Variants in RBFOX1 observed in about 807,000 individuals in gnomAD.
RBFOX1 encodes the protein RNA binding protein fox-1 homolog 1.
RBFOX1 carries 8 observed loss-of-function variants against 57.7 expected under a neutral mutation model. That is an observed-to-expected ratio of 0.14 (90% CI 0.08 to 0.25). The LOEUF is 0.25. RBFOX1 is among the 10% of genes least tolerant of loss of function. The probability of loss-of-function intolerance (pLI) is 1.00; values close to 1 mark genes in which losing one functional copy is unlikely to be tolerated. For missense variants in RBFOX1, 611 were observed against 548.5 expected (o/e 1.11, Z -1.14); for synonymous variants, 326 against 222.4 (o/e 1.47, Z -4.15).
intron 4 of RBFOX1, among the ~76,000 whole-genome samples, chr16:7,319,966 G>A (rs756237730): frequency 6.6e-6 from 1 of 152,132 alleles, no homozygotes; most frequent in Non-Finnish European, 1.5e-5. Flanking sequence ...CTAGGAAAGG[G>A]TTTGTTAAAA....
chr16:6,634,051 C>G (rs888404615), intron 2 of RBFOX1, among the ~76,000 whole-genome samples: 1 of 151,628 alleles, frequency 6.6e-6, no homozygotes. Flanking sequence ...CGATGCATTT[C>G]TTATTGAATA....
At chr16:6,835,528 G>C (rs939053056) in intron 3 of RBFOX1, among the ~76,000 whole-genome samples, 3 of 151,952 alleles carry the variant, frequency 2.0e-5, no homozygotes, top group African/African-American at 7.3e-5. Flanking sequence ...AAGGTGGGAA[G>C]ATCACTTGAG....
intron 4 of RBFOX1, among the ~76,000 whole-genome samples, chr16:5,979,838 G>A (rs1356928985): frequency 6.6e-6 from 1 of 152,192 alleles, no homozygotes; most frequent in South Asian, 2.1e-4. Flanking sequence ...CTCCAGCCTG[G>A]CAACAGAGTG....
intron 3 of RBFOX1, among the ~76,000 whole-genome samples, chr16:7,038,880 T>G (rs1192912305): frequency 1.3e-5 from 2 of 152,180 alleles, no homozygotes; most frequent in African/African-American, 4.8e-5. Flanking sequence ...AAACACCTCA[T>G]TAAAACGTGT....
chr16:5,766,138 CA>C (rs1157726032), intron 3 of RBFOX1, among the ~76,000 whole-genome samples: 4 of 152,130 alleles, frequency 2.6e-5, no homozygotes, highest in African/African-American at 9.7e-5. Flanking sequence ...GGCTGAATGC[CA>C]TCATAGATAT....
chr16:7,617,934 G>C (rs991619610), intron 10 of RBFOX1, among the ~76,000 whole-genome samples: 1 of 152,018 alleles, frequency 6.6e-6, no homozygotes, highest in South Asian at 2.1e-4. Context: ...CATTGCAGGA[G>C]GGAATATGGA....
rs940492155 is a variant in RBFOX1 at position 7,286,448 on chromosome 16, ATT to A, written c.28-231681_28-231680del. ...GGGTTTCATACTTTGATACTTTCTT[ATT>A]TTTTTTTTTTTTTTTTTGAGATGGA... On this transcript the variant is annotated intron_variant, in intron 4 of 15. Coordinates refer to ENST00000550418, the MANE Select transcript of RBFOX1 (RefSeq NM_018723.4). Among the ~76,000 whole-genome samples, 110 of 121,848 alleles carry A rather than the reference ATT, an allele frequency of 9.0e-4. 2 individuals are homozygous for A. The highest frequency in any genetic ancestry group is 6.4e-3 in the South Asian group (24 of 3,774). The allele number at this position is 121,848 out of a possible 152,430, so 79.9% of individuals were successfully genotyped here. A position where few individuals can be genotyped will look rare whatever the true frequency, so the allele number is the denominator to read the frequency against.
intron 3 of RBFOX1, among the ~76,000 whole-genome samples, chr16:5,693,793 T>C (rs926255165): frequency 1.3e-5 from 2 of 152,218 alleles, no homozygotes; most frequent in African/African-American, 4.8e-5. Context: ...TCCCTTCTTA[T>C]AAGTAGGCAA....
chr16:6,425,728 C>G (rs183117529), intron 2 of RBFOX1, among the ~76,000 whole-genome samples: 2 of 151,994 alleles, frequency 1.3e-5, no homozygotes, highest in East Asian at 1.9e-4. Context: ...CACACACACA[C>G]GAACGTTTTG....
chr16:5,808,007 A>G (rs886277551), intron 3 of RBFOX1, among the ~76,000 whole-genome samples: 7 of 152,174 alleles, frequency 4.6e-5, no homozygotes, highest in African/African-American at 1.7e-4. Context: ...CTGAACACCT[A>G]TCAGGCTTAC....
At chr16:6,747,536 C>G (rs2074001801) in intron 3 of RBFOX1, among the ~76,000 whole-genome samples, 1 of 152,048 alleles carries the variant, frequency 6.6e-6, no homozygotes, top group Admixed American at 6.5e-5. Flanking sequence ...ATGTAAGAAG[C>G]CTGTTGGGGC....
intron 4 of RBFOX1, among the ~76,000 whole-genome samples, chr16:5,969,085 C>T (rs2059908146): frequency 6.6e-6 from 1 of 151,824 alleles, no homozygotes; most frequent in Admixed American, 6.6e-5. Flanking sequence ...CATTTTTATG[C>T]CTTTCTAATT....
At chr16:7,262,323 TC>T (rs1411158705) in intron 4 of RBFOX1, among the ~76,000 whole-genome samples, 8 of 152,006 alleles carry the variant, frequency 5.3e-5, no homozygotes, top group Non-Finnish European at 1.2e-4. Context: ...ATTTTTTTTT[TC>T]ATATTAATGG....
chr16:6,087,756 A>G (rs1254073638), intron 1 of RBFOX1, among the ~76,000 whole-genome samples: 3 of 151,312 alleles, frequency 2.0e-5, no homozygotes, highest in Non-Finnish European at 2.9e-5. Context: ...GGGTTCAAGC[A>G]ATTCTCCTGC....
chr16:5,998,430 G>A (rs1237930607), intron 4 of RBFOX1, among the ~76,000 whole-genome samples: 1 of 152,234 alleles, frequency 6.6e-6, no homozygotes, highest in Non-Finnish European at 1.5e-5. Flanking sequence ...GATATTGGGG[G>A]AAGGCGGGCA....
rs146495621 is a variant in RBFOX1, at chr16:7,494,934, G to A, written c.28-23213G>A. Among the ~76,000 whole-genome samples the A allele has an allele frequency of 7.1e-3, 1,051 of 148,368 alleles. 17 individuals are homozygous for A. Among genetic ancestry groups the A allele is most frequent in the African/African-American group, 0.025 (1,022 of 40,290 alleles). ...CATGGGTATATTGGACCAAGGTAAT[G>A]AGCATAGAAGCCAACAGGTAGTTTT... On this transcript the variant is annotated intron_variant, in intron 4 of 15. Transcript: ENST00000550418.
rs377024862 is a variant in RBFOX1 at position 5,241,441 on chromosome 16, C to T, written c.219+1336C>T. 2.8e-4 allele frequency among the ~76,000 whole-genome samples: 42 copies of T among 152,288 alleles called. No individual in the cohort carries two copies. In the East Asian group the frequency reaches 6.8e-3, roughly 24 times the overall value. The stretch of plus-strand genomic sequence containing the variant: ...TCACTCCCTCTACCTCCCTCTTTTA[C>T]GTGGACTCTGCCAAAGACCAGGATA... On this transcript the variant is annotated intron_variant, in intron 1 of 2. Transcript: ENST00000585867.
At chr16:5,867,567 C>T (rs191492143) in intron 4 of RBFOX1, among the ~76,000 whole-genome samples, 4 of 152,236 alleles carry the variant, frequency 2.6e-5, no homozygotes, top group Admixed American at 2.6e-4. Flanking sequence ...GTGACTTCAG[C>T]GTCTGTTTCT....
At chr16:5,454,958 CCTTTCTTT>C (rs1169954657) in intron 1 of RBFOX1, among the ~76,000 whole-genome samples, 836 of 30,262 alleles carry the variant, frequency 0.028, 15 homozygotes, top group Middle Eastern at 0.095. Context: ...TTCCTTCCTT[CCTTTCTTT>C]CTTTCTTTCT....
Sources: allele counts gnomAD v4.1 joint callset (sites outside exome capture counted in the v4.1 genomes callset), GRCh38; gene constraint gnomAD v4.1.1; transcripts MANE v1.5; gene names NCBI Gene and HGNC (gene_info 2026-07-23, HGNC 2026-07-21).